Variants in TENM4 observed in about 807,000 individuals in gnomAD.
TENM4 encodes the protein teneurin-4.
A neutral mutation model predicts 243.3 loss-of-function variants in TENM4; 82 were observed. The ratio of observed to expected loss-of-function variants is 0.34; its 90% CI spans 0.28 to 0.40. The LOEUF is 0.40. Among genes scored for constraint, TENM4 ranks in the 10% least tolerant of loss-of-function variants. TENM4 has a pLI of 1.00. For missense variants in TENM4, 3,138 were observed against 3,673.3 expected (o/e 0.85, Z 3.77); for synonymous variants, 1,412 against 1,456.3 (o/e 0.97, Z 0.69).
intron 18 of TENM4, 65 bp downstream of exon 18, chr11:78,770,927 C>CAG (rs1293262809): frequency 3.9e-6 from 6 of 1,538,614 alleles, no homozygotes; most frequent in Non-Finnish European, 5.3e-6. Context: ...CAGTAATATC[C>CAG]ATTCTCCACT....
At chr11:79,311,241 G>C (rs1484046849) in intron 1 of TENM4, among the ~76,000 whole-genome samples, 2 of 152,240 alleles carry the variant, frequency 1.3e-5, no homozygotes, top group Non-Finnish European at 2.9e-5. Context: ...ATGAGGCAGA[G>C]GCTTGGAGTC....
Position 78,669,719 on chromosome 11 carries a change from T to C in TENM4, c.6626A>G (p.Asp2209Gly), listed in dbSNP as rs758633961. The change falls in exon 32 of 34, where the codon GAC (aspartate) becomes GGC (glycine). Residue 2209 changes from aspartate (D) to glycine (G), a missense_variant. Asp to Gly is a moderately conservative substitution (Grantham distance 94, BLOSUM62 -1). Transcript: ENST00000278550. The surrounding 1 kb of genome is among the most constrained non-coding windows in gnomAD (Gnocchi z 6.4). ...DGQLQTVSIN[D>G]KPLWRYSYDL... ...GTAGCTGTAGCGCCAGAGTGGCTTGTCATTGATGGAGACTGTCTGCAGCTG... is the reference window on the plus strand; with the variant it reads ...GTAGCTGTAGCGCCAGAGTGGCTTGCCATTGATGGAGACTGTCTGCAGCTG... The C allele has an allele frequency of 5.6e-6, 9 of 1,613,870 alleles. No individual in the cohort carries two copies. Among genetic ancestry groups the C allele is most frequent in the Non-Finnish European group, 5.1e-6 (6 of 1,179,900 alleles).
intron 2 of TENM4, among the ~76,000 whole-genome samples, chr11:79,234,774 C>T (rs571978019): frequency 6.6e-5 from 10 of 152,294 alleles, no homozygotes; most frequent in African/African-American, 2.2e-4. Context: ...TTTCCCAGCG[C>T]TAGTGCTTCC....
rs1248998717 is a variant in TENM4, at chr11:78,771,254, G to A, written c.2393-116C>T. On this transcript the variant is annotated intron_variant, in intron 17 of 33. Coordinates refer to ENST00000278550, the MANE Select transcript of TENM4 (RefSeq NM_001098816.3). The stretch of plus-strand genomic sequence containing the variant: ...CCTTCATATCCATCAGCACACGAAT[G>A]CCCACAGCAGCCCAGGGAGGTAGGT... 8 of 1,248,822 alleles carry A rather than the reference G, an allele frequency of 6.4e-6. No individual in the cohort carries two copies. In the African/African-American group the frequency reaches 1.2e-4, roughly 19 times the overall value. The allele number at this position is 1,248,822 out of a possible 1,614,324, so 77.4% of individuals were successfully genotyped here. A position where few individuals can be genotyped will look rare whatever the true frequency, so the allele number is the denominator to read the frequency against.
At chr11:79,105,360 C>G (rs1433516600) in intron 4 of TENM4, among the ~76,000 whole-genome samples, 1 of 152,188 alleles carries the variant, frequency 6.6e-6, no homozygotes, top group Admixed American at 6.5e-5. Flanking sequence ...TTTGGAAACA[C>G]AGGAACAAAG....
rs1430113066 is a variant in TENM4 at position 78,658,376 on chromosome 11, T to A, written c.7992A>T (p.Thr2664=). The A allele has an allele frequency of 1.7e-5, 27 of 1,614,026 alleles. No homozygotes were observed. The highest frequency in any genetic ancestry group is 2.3e-5 in the Non-Finnish European group (27 of 1,179,882). ...TVLNGRTRRY[T]DIQLQYGALC... is the part of the protein sequence containing the mutation. ...GTGCCCCGTACTGGAGCTGGATGTC[T>A]GTGTAGCGTCTAGTCCTGCCATTAA... is the stretch of plus-strand genomic sequence containing the variant. The change falls in exon 34 of 34, where the codon ACA becomes ACT. Residue 2664 remains threonine, a synonymous_variant. Transcript: ENST00000278550.
At chr11:78,851,438 A>G (rs1358738500) in intron 12 of TENM4, among the ~76,000 whole-genome samples, 1 of 152,260 alleles carries the variant, frequency 6.6e-6, no homozygotes, top group Non-Finnish European at 1.5e-5. Flanking sequence ...AAGATGCCTC[A>G]CTGTGCCTAT....
chr11:78,975,990 G>A (rs1857646204), intron 6 of TENM4, among the ~76,000 whole-genome samples: 1 of 152,130 alleles, frequency 6.6e-6, no homozygotes, highest in Non-Finnish European at 1.5e-5. Flanking sequence ...CCAGCCGGTG[G>A]GTACCAGTCT....
rs757909952 is a variant in TENM4 at position 78,669,508 on chromosome 11, C to T, written c.6837G>A (p.Lys2279=). 2.5e-6 allele frequency: 4 copies of T among 1,613,832 alleles called. No homozygotes were observed. The African/African-American group carries it at 4.0e-5, about 16-fold the overall frequency. Residue 2279 remains lysine, a synonymous_variant, in exon 32 of 34, where the codon AAG becomes AAA. Transcript: ENST00000278550. The surrounding 1 kb of genome is among the most constrained non-coding windows in gnomAD (Gnocchi z 6.4). ...TCCAGCTGCCAGCCCGGTTGTAGGC[C>T]TTGATGAGCAGGCCAGCTGAGTTGT... The part of the protein sequence containing the change: ...FEYNSAGLLI[K]AYNRAGSWSV...
chr11:78,740,036 C>T (rs1049840099), intron 19 of TENM4, among the ~76,000 whole-genome samples: 8 of 152,178 alleles, frequency 5.3e-5, no homozygotes, highest in African/African-American at 1.9e-4. Context: ...GGGAGAAAGC[C>T]CTCGCTGAAA....
intron 6 of TENM4, among the ~76,000 whole-genome samples, chr11:78,995,727 G>A (rs1858158017): frequency 6.6e-6 from 1 of 150,882 alleles, no homozygotes; most frequent in Non-Finnish European, 1.5e-5. Flanking sequence ...TGACATTGGA[G>A]GCAACTAAGA....
intron 1 of TENM4, among the ~76,000 whole-genome samples, chr11:79,349,335 C>A (rs1172227148): frequency 6.6e-6 from 1 of 152,164 alleles, no homozygotes; most frequent in Non-Finnish European, 1.5e-5. Flanking sequence ...AAAGATTTCA[C>A]CGACGTTTCC....
At chr11:79,263,713 A>G (rs1013125792) in intron 2 of TENM4, among the ~76,000 whole-genome samples, 3 of 152,208 alleles carry the variant, frequency 2.0e-5, no homozygotes, top group African/African-American at 4.8e-5. Flanking sequence ...TTTAATCAGT[A>G]TCACAATTTC....
chr11:79,066,273 T>C (rs1044513206), intron 5 of TENM4, among the ~76,000 whole-genome samples: 5 of 152,040 alleles, frequency 3.3e-5, no homozygotes, highest in Admixed American at 6.6e-5. Context: ...AGAGTGAATG[T>C]GGAGAATGAC....
intron 15 of TENM4, among the ~76,000 whole-genome samples, chr11:78,803,466 C>CA (rs1322813457): frequency 6.6e-6 from 1 of 152,112 alleles, no homozygotes; most frequent in East Asian, 1.9e-4. Flanking sequence ...TTGAAACCCC[C>CA]AAAAAAAGAT....
chr11:79,329,162 ATATT>A (rs956778062), intron 1 of TENM4, among the ~76,000 whole-genome samples: 2 of 152,094 alleles, frequency 1.3e-5, no homozygotes, highest in African/African-American at 4.8e-5. Flanking sequence ...TCTCCTCAAT[ATATT>A]TTTCCTTTTC....
At chr11:79,193,839 G>A (rs112970280) in intron 3 of TENM4, among the ~76,000 whole-genome samples, 2,622 of 152,294 alleles carry the variant, frequency 0.017, 37 homozygotes, top group Non-Finnish European at 0.023. Context: ...ACTGTGTTGG[G>A]TTTCAGGAGG....
chr11:78,977,134 T>A (rs1389246514), intron 6 of TENM4, among the ~76,000 whole-genome samples: 1 of 152,180 alleles, frequency 6.6e-6, no homozygotes, highest in African/African-American at 2.4e-5. Context: ...TCTCTGGCAT[T>A]CCCTGGCTTG....
intron 7 of TENM4, among the ~76,000 whole-genome samples, chr11:78,897,835 C>A (rs1855833660): frequency 6.6e-6 from 1 of 152,174 alleles, no homozygotes; most frequent in Non-Finnish European, 1.5e-5. Flanking sequence ...CTGGAGACCA[C>A]CAGGATGGCC....
Sources: gnomAD v4.1 joint callset for allele counts (sites outside exome capture counted in the v4.1 genomes callset) on GRCh38, gnomAD v4.1.1 for gene constraint, Gnocchi (gnomAD v3.1) non-coding constraint, MANE v1.5 for transcripts, NCBI Gene and HGNC (gene_info 2026-07-23, HGNC 2026-07-21) for gene names.